The following RGS6 variants were observed in gnomAD, a reference collection of about 807,000 sequenced individuals.
The protein encoded by RGS6 is regulator of G-protein signaling 6.
A neutral mutation model predicts 78.5 loss-of-function variants in RGS6; 30 were observed. The observed-to-expected ratio is 0.38, with a 90% confidence interval of 0.29 to 0.52. RGS6 has a LOEUF of 0.52. Ranked by LOEUF, RGS6 falls within the 20% of genes least tolerant of loss-of-function variation. RGS6 has a pLI of 0.85. For synonymous variants in RGS6, 206 were observed against 206.0 expected (o/e 1.00, Z 0.00); for missense variants, 495 against 609.7 (o/e 0.81, Z 1.98).
At chr14:71,998,488 A>G (rs1357900918) in intron 2 of RGS6, among the ~76,000 whole-genome samples, 2 of 152,222 alleles carry the variant, frequency 1.3e-5, no homozygotes. Context: ...TGGCATCGAA[A>G]AGCTGGGACT....
intron 3 of RGS6, among the ~76,000 whole-genome samples, chr14:72,436,720 A>G (rs1474083667): frequency 6.6e-6 from 1 of 152,254 alleles, no homozygotes; most frequent in Non-Finnish European, 1.5e-5. Context: ...CTGTCTTACT[A>G]TTAATATCAG....
At chr14:71,877,592 G>A in the RGS6 span, among the ~76,000 whole-genome samples, 1 of 152,200 alleles carries the variant, frequency 6.6e-6, no homozygotes, top group East Asian at 1.9e-4. Context: ...CTTTTTTCAA[G>A]GTTTTTAGCT....
chr14:72,055,206 G>C (rs1246552543), intron 2 of RGS6, among the ~76,000 whole-genome samples: 2 of 152,104 alleles, frequency 1.3e-5, no homozygotes, highest in African/African-American at 4.8e-5. Context: ...CAAAAGAATG[G>C]GAAAGCGCTT....
chr14:72,181,438 C>A (rs114232290), intron 2 of RGS6, among the ~76,000 whole-genome samples: 1,535 of 152,254 alleles, frequency 0.01, 23 homozygotes, highest in African/African-American at 0.034. Flanking sequence ...CAGAGCTCTG[C>A]AAGAGAGCAA....
chr14:72,524,268 A>G (rs2097091519), intron 15 of RGS6, among the ~76,000 whole-genome samples: 1 of 152,240 alleles, frequency 6.6e-6, no homozygotes, highest in Non-Finnish European at 1.5e-5. Context: ...TGAGCTTCTC[A>G]TCCTGAAGAC....
chr14:71,941,018 A>G (rs76728467), intron 1 of RGS6, among the ~76,000 whole-genome samples: 2,131 of 148,710 alleles, frequency 0.014, 47 homozygotes, highest in African/African-American at 0.046. Context: ...TCTCTAGGAG[A>G]TAAGACTCTC....
intron 12 of RGS6, among the ~76,000 whole-genome samples, chr14:72,484,931 ATTTTT>A (rs550497245): frequency 8.5e-5 from 10 of 117,948 alleles, no homozygotes; most frequent in Non-Finnish European, 1.0e-4. Flanking sequence ...CATCTGGTAG[ATTTTT>A]TTTTTTTTTT....
At chr14:71,990,789 A>G (rs1190949157) in intron 2 of RGS6, 1 of 456,056 alleles carries the variant, frequency 2.2e-6, no homozygotes, top group Admixed American at 2.3e-5. Flanking sequence ...TCCAGCTACC[A>G]AAAAGACATC....
At chr14:72,309,691 AGCTCTGT>A (rs2068087468) in intron 2 of RGS6, among the ~76,000 whole-genome samples, 1 of 152,252 alleles carries the variant, frequency 6.6e-6, no homozygotes, top group South Asian at 2.1e-4. Flanking sequence ...AATCCTTTTA[AGCTCTGT>A]GCTCTTTTAA....
intron 13 of RGS6, among the ~76,000 whole-genome samples, chr14:72,507,949 G>T (rs530771619): frequency 6.6e-6 from 1 of 152,174 alleles, no homozygotes; most frequent in Non-Finnish European, 1.5e-5. Flanking sequence ...AACCCCAGGG[G>T]AATTCTTCCA....
At chr14:72,016,226 C>T (rs1240681362) in intron 2 of RGS6, among the ~76,000 whole-genome samples, 4 of 152,126 alleles carry the variant, frequency 2.6e-5, no homozygotes, top group African/African-American at 7.2e-5. Context: ...GTATATGTAA[C>T]ATTGGAATCC....
chr14:72,518,421 T>C lies in RGS6; in HGVS notation c.1162T>C (p.Trp388Arg), dbSNP rs1216207036. 1 of 1,614,206 alleles carries C rather than the reference T, an allele frequency of 6.2e-7. No homozygotes were observed. Among genetic ancestry groups the C allele is most frequent in the Non-Finnish European group, 8.5e-7 (1 of 1,180,026 alleles). Reference protein sequence around the residue: ...QDVAKRVEEIWQEFLAPGAPS... With the variant: ...QDVAKRVEEIRQEFLAPGAPS... ...TGTGGCCAAGAGGGTAGAAGAAATCTGGCAAGAGTTTCTGGCTCCAGGGGC... is the reference window on the plus strand; with the variant it reads ...TGTGGCCAAGAGGGTAGAAGAAATCCGGCAAGAGTTTCTGGCTCCAGGGGC... The change falls in exon 15 of 18, where the codon TGG becomes CGG. Residue 388 changes from tryptophan (W) to arginine (R), a missense_variant. Trp to Arg is a moderately radical substitution (Grantham distance 101). Transcript: ENST00000553525.
rs112563767 is a variant in RGS6 at position 72,144,723 on chromosome 14, G to T, written c.84+179848G>T. Among the ~76,000 whole-genome samples the T allele has an allele frequency of 7.7e-3, 1,178 of 152,066 alleles. 21 individuals are homozygous for T. The highest frequency in any genetic ancestry group is 0.026 in the African/African-American group (1,087 of 41,460). On this transcript the variant is annotated intron_variant, in intron 2 of 17. Transcript: ENST00000553525. ...TTCCTGCTCTTCTACAGTTGAGTCT[G>T]GTAGAGGAGACATTCATGATTCATT...
chr14:72,195,621 C>T (rs1208530222), intron 2 of RGS6, among the ~76,000 whole-genome samples: 5 of 152,190 alleles, frequency 3.3e-5, no homozygotes, highest in African/African-American at 4.8e-5. Flanking sequence ...AGGTAGAAAG[C>T]AAGTCACAGC....
chr14:72,221,654 T>A (rs2046896646), intron 2 of RGS6, among the ~76,000 whole-genome samples: 1 of 152,176 alleles, frequency 6.6e-6, no homozygotes, highest in Non-Finnish European at 1.5e-5. Context: ...AATTGATACA[T>A]TCAGCCAAAC....
chr14:72,471,124 T>C (rs1392545860), intron 8 of RGS6, among the ~76,000 whole-genome samples: 2 of 152,158 alleles, frequency 1.3e-5, no homozygotes, highest in East Asian at 3.8e-4. Flanking sequence ...CTTCTTCAAT[T>C]TCTTCTTTCA....
chr14:72,406,895 C>T (rs1446491253), intron 3 of RGS6, among the ~76,000 whole-genome samples: 1 of 152,208 alleles, frequency 6.6e-6, no homozygotes, highest in Non-Finnish European at 1.5e-5. Context: ...GTTGTGCCCA[C>T]CATGTGGATA....
chr14:72,619,866 C>A, the RGS6 span: 1 of 1,502,912 alleles, frequency 6.7e-7, no homozygotes, highest in Non-Finnish European at 8.9e-7. Flanking sequence ...GTAGTAGTAT[C>A]TGTTGCTGTT....
At chr14:72,449,469 G>A (rs904173516) in intron 3 of RGS6, among the ~76,000 whole-genome samples, 2 of 152,144 alleles carry the variant, frequency 1.3e-5, no homozygotes, top group African/African-American at 4.8e-5. Flanking sequence ...GCGTTAATGG[G>A]AGGAAGCTAT....
Sources: allele counts gnomAD v4.1 joint callset (sites outside exome capture counted in the v4.1 genomes callset), GRCh38; gene constraint gnomAD v4.1.1; transcripts MANE v1.5; gene names NCBI Gene and HGNC (gene_info 2026-07-23, HGNC 2026-07-21).